The following BAZ2B variants were observed in gnomAD, a reference collection of about 807,000 sequenced individuals.
BAZ2B encodes bromodomain adjacent to zinc finger domain protein 2B.
BAZ2B carries 91 observed loss-of-function variants against 246.0 expected under a neutral mutation model. The observed-to-expected ratio is 0.37, with a 90% CI of 0.31 to 0.44. BAZ2B has a LOEUF of 0.44. Among genes scored for constraint, BAZ2B ranks in the 20% least tolerant of loss-of-function variants. BAZ2B has a pLI of 1.00. For missense variants in BAZ2B, 2,332 were observed against 2,533.7 expected, an observed-to-expected ratio of 0.92 and a Z score of 1.71; for synonymous variants, 855 against 860.0, an observed-to-expected ratio of 0.99 and a Z score of 0.10.
At chr2:159,367,651 C>T (rs189089442) in intron 27 of BAZ2B, among the ~76,000 whole-genome samples, 1 of 152,014 alleles carries the variant, frequency 6.6e-6, no homozygotes, top group Admixed American at 6.6e-5. Flanking sequence ...TTTGGGAGGC[C>T]GAGGTAGGCA....
At chr2:159,484,763 C>T (rs1261981821) in intron 2 of BAZ2B, among the ~76,000 whole-genome samples, 1 of 152,038 alleles carries the variant, frequency 6.6e-6, no homozygotes, top group Admixed American at 6.6e-5. Flanking sequence ...GATATGTAAA[C>T]ATGATTAGTT....
intron 2 of BAZ2B, among the ~76,000 whole-genome samples, chr2:159,496,427 G>T (rs1289242329): frequency 6.9e-6 from 1 of 145,258 alleles, no homozygotes; most frequent in Non-Finnish European, 1.5e-5. Flanking sequence ...TGGCTTGAAC[G>T]TGGGAGGGCC....
At chr2:159,694,711 C>T in the BAZ2B span, 5 of 152,210 alleles carry the variant, frequency 3.3e-5, no homozygotes, top group Non-Finnish European at 7.3e-5. Context: ...GGATATACCA[C>T]ATTTTGTTTA....
At chr2:159,528,570 C>G (rs1309533641) in intron 2 of BAZ2B, among the ~76,000 whole-genome samples, 2 of 151,610 alleles carry the variant, frequency 1.3e-5, no homozygotes, top group Non-Finnish European at 2.9e-5. Context: ...GTAATCCCAG[C>G]TACTTAGTAG....
At chr2:159,416,420 T>G (rs1380236631) in intron 13 of BAZ2B, among the ~76,000 whole-genome samples, 1 of 152,212 alleles carries the variant, frequency 6.6e-6, no homozygotes, top group African/African-American at 2.4e-5. Flanking sequence ...GTTTAGGTTT[T>G]CATTTTTTTA....
intron 2 of BAZ2B, among the ~76,000 whole-genome samples, chr2:159,486,868 T>C (rs1220734425): frequency 1.3e-5 from 2 of 152,078 alleles, no homozygotes; most frequent in African/African-American, 2.4e-5. Context: ...GGTAGACCTA[T>C]ACTAGCTAAT....
upstream of BAZ2B, chr2:159,616,620 A>G (rs1696135963): frequency 6.6e-6 from 1 of 152,156 alleles, no homozygotes; most frequent in South Asian, 2.1e-4. Flanking sequence ...AAGGGAAAAA[A>G]AGAGAGAGAA....
chr2:159,666,653 C>G, the BAZ2B span, among the ~76,000 whole-genome samples: 6 of 151,978 alleles, frequency 3.9e-5, no homozygotes, highest in African/African-American at 9.7e-5. Context: ...GTCAGGGGTT[C>G]GAGACCAGCC....
intron 1 of BAZ2B, among the ~76,000 whole-genome samples, chr2:159,594,176 G>A (rs1365334993): frequency 1.3e-5 from 2 of 152,214 alleles, no homozygotes; most frequent in Non-Finnish European, 1.5e-5. Flanking sequence ...GGCCGAGGCG[G>A]GCGGCCTACC....
At chr2:159,647,720 C>A in the BAZ2B span, among the ~76,000 whole-genome samples, 2 of 152,034 alleles carry the variant, frequency 1.3e-5, no homozygotes, top group African/African-American at 4.8e-5. Context: ...TGAACAACGA[C>A]CAATAAAATA....
chr2:159,634,004 T>C, the BAZ2B span, among the ~76,000 whole-genome samples: 9 of 152,302 alleles, frequency 5.9e-5, no homozygotes, highest in Admixed American at 2.6e-4. Context: ...GCTCCCAAAG[T>C]GCTGGGATTA....
intron 2 of BAZ2B, among the ~76,000 whole-genome samples, chr2:159,493,878 A>T (rs1279344033): frequency 6.6e-6 from 1 of 152,216 alleles, no homozygotes. Flanking sequence ...TGTATTAGTT[A>T]AAAAGAACTG....
At chr2:159,429,622 T>C (rs1236821184) in intron 10 of BAZ2B, among the ~76,000 whole-genome samples, 2 of 152,126 alleles carry the variant, frequency 1.3e-5, no homozygotes, top group African/African-American at 4.8e-5. Context: ...ATAGGAGTTT[T>C]TGGATGCTGA....
intron 2 of BAZ2B, among the ~76,000 whole-genome samples, chr2:159,549,429 C>CA (rs2151431427): frequency 6.6e-6 from 1 of 152,318 alleles, no homozygotes; most frequent in South Asian, 2.1e-4. Flanking sequence ...CACTCCTCTG[C>CA]AAACGTTTCT....
chr2:159,431,122 T>C lies in BAZ2B; in HGVS notation c.1935A>G (p.Gly645=). 1 of 1,610,836 alleles carries C rather than the reference T, an allele frequency of 6.2e-7. No individual in the cohort carries two copies. The highest frequency in any genetic ancestry group is 8.5e-7 in the Non-Finnish European group (1 of 1,177,550). Reference sequence around the variant, plus strand: ...TATCATCATCATCTTCTTCTTCTGATCCTTCTGTATCTGATTCTGAATTAC... The same window carrying C: ...TATCATCATCATCTTCTTCTTCTGACCCTTCTGTATCTGATTCTGAATTAC... ...SDSNSESDTE[G]SEEEDDDDKD... is the part of the protein sequence containing the mutation. The change falls in exon 10 of 37, where the codon GGA becomes GGG. Residue 645 remains glycine, a synonymous_variant. Transcript: ENST00000392783.
the BAZ2B span, among the ~76,000 whole-genome samples, chr2:159,625,613 T>C: frequency 5.3e-5 from 8 of 152,114 alleles, no homozygotes; most frequent in African/African-American, 1.9e-4. Context: ...AATCCTTCAC[T>C]GACAAGCAAA....
intron 27 of BAZ2B, among the ~76,000 whole-genome samples, chr2:159,357,465 G>A (rs2149246062): frequency 6.6e-6 from 1 of 152,150 alleles, no homozygotes; most frequent in South Asian, 2.1e-4. Flanking sequence ...AGAAATATGG[G>A]ACTATGTGAA....
chr2:159,557,415 G>A (rs1241456437), intron 1 of BAZ2B, among the ~76,000 whole-genome samples: 1 of 151,856 alleles, frequency 6.6e-6, no homozygotes, highest in African/African-American at 2.4e-5. Context: ...GACCTCTTAG[G>A]CCCTCTGTTA....
chr2:159,535,827 T>C (rs1340139369), intron 2 of BAZ2B, among the ~76,000 whole-genome samples: 2 of 152,138 alleles, frequency 1.3e-5, no homozygotes, highest in Non-Finnish European at 2.9e-5. Flanking sequence ...TGTTAGAAAA[T>C]GGTCTGCAGC....
Sources: allele counts gnomAD v4.1 joint callset (sites outside exome capture counted in the v4.1 genomes callset), GRCh38; gene constraint gnomAD v4.1.1; transcripts MANE v1.5; gene names NCBI Gene and HGNC (gene_info 2026-07-23, HGNC 2026-07-21).